Variants in LRIG2 observed in about 807,000 individuals in gnomAD.
LRIG2 encodes leucine-rich repeats and immunoglobulin-like domains protein 2.
LRIG2 carries 93 observed loss-of-function variants against 107.8 expected under a neutral mutation model. The ratio of observed to expected loss-of-function variants is 0.86; its 90% CI spans 0.73 to 1.03. LRIG2 has a LOEUF of 1.03. LRIG2 is among the 50% of genes least tolerant of loss of function. The pLI is 0.00. For synonymous variants in LRIG2, 471 were observed against 470.6 expected, an observed-to-expected ratio of 1.00 and a Z score of -0.01; for missense variants, 1,226 against 1,296.0, an observed-to-expected ratio of 0.95 and a Z score of 0.83.
In LRIG2 at chr1:113,118,789, C is replaced by T. The variant is rs556072219; in HGVS notation, c.2681-444C>T. Among the ~76,000 whole-genome samples the T allele has an allele frequency of 4.6e-5, 7 of 152,174 alleles. No individual in the cohort carries two copies. In the South Asian group the frequency reaches 1.5e-3, roughly 32 times the overall value. On this transcript the variant is annotated intron_variant, in intron 16 of 17. Transcript: ENST00000361127. ...ACGCCATCTTCCTGCCTCAGCCTCC[C>T]GAGTAGCTGGGACTACCGGTGCACG...
At chr1:113,116,225 T>C in intron 15 of LRIG2, 62 bp from the exon 16 acceptor site, 1 of 1,468,180 alleles carries the variant, frequency 6.8e-7, no homozygotes, top group Non-Finnish European at 9.3e-7. Context: ...ATTTGCAAAA[T>C]AGTCTTCTGA....
intron 6 of LRIG2, among the ~76,000 whole-genome samples, chr1:113,094,984 A>ATAT (rs138090493): frequency 2.1e-5 from 3 of 139,684 alleles, no homozygotes; most frequent in Admixed American, 7.4e-5. Context: ...ATATATATAT[A>ATAT]TTTTTTTTGA....
chr1:113,074,348 C>G (rs1333781950), intron 1 of LRIG2, among the ~76,000 whole-genome samples: 5 of 152,162 alleles, frequency 3.3e-5, no homozygotes, highest in African/African-American at 1.2e-4. Flanking sequence ...AAAATCAGTT[C>G]TGCTTATTTA....
chr1:113,110,459 AC>A lies in LRIG2; in HGVS notation c.1696del (p.His566IlefsTer5). The A allele has an allele frequency of 1.2e-6, 2 of 1,613,318 alleles. No individual in the cohort carries two copies. The highest frequency in any genetic ancestry group is 2.7e-5 in the African/African-American group (2 of 75,042). ...AAGCTCTGGAATATACTAGTATCTT[AC>A]ATCTTTTCAATGTGAATTTCACAGA... is the stretch of plus-strand genomic sequence containing the variant. ...GEALEYTSIL[H>X]LFNVNFTDEG... is the part of the protein sequence containing the mutation. On this transcript the variant is annotated frameshift_variant, in exon 13 of 18. Transcript: ENST00000361127. LOFTEE classifies it high-confidence loss of function.
At position 113,128,267 on chromosome 1, in the gene LRIG2, T is replaced by C. The variant is rs1455302654; in HGVS notation, c.*4166T>C. The C allele has an allele frequency of 6.6e-6, 1 of 152,214 alleles. No homozygotes were observed. Among genetic ancestry groups the C allele is most frequent in the African/African-American group, 2.4e-5 (1 of 41,450 alleles). The allele number at this position is 152,214 out of a possible 1,614,324, so 9.4% of individuals were successfully genotyped here. A position where few individuals can be genotyped will look rare whatever the true frequency, so the allele number is the denominator to read the frequency against. On this transcript the variant is annotated 3_prime_UTR_variant, in exon 18 of 18. Coordinates refer to ENST00000361127, the MANE Select transcript of LRIG2 (RefSeq NM_014813.3). ...CCTCTGATCATTTTCACTTTGAACT[T>C]CCTAAAGATCACAATTTCCTATCCC... is the stretch of plus-strand genomic sequence containing the variant.
chr1:113,113,525 G>GTCAT (rs1243791160), intron 14 of LRIG2, among the ~76,000 whole-genome samples: 4 of 135,284 alleles, frequency 3.0e-5, no homozygotes, highest in African/African-American at 8.2e-5. Flanking sequence ...AAAATAAGAA[G>GTCAT]TCATTTATTT....
Position 113,094,613 on chromosome 1 carries a change from G to A in LRIG2, c.661G>A (p.Glu221Lys). The A allele has an allele frequency of 6.2e-7, 1 of 1,609,470 alleles. No homozygotes were observed. The highest frequency in any genetic ancestry group is 8.5e-7 in the Non-Finnish European group (1 of 1,177,502). ...IFKLPHLQFL[E>K]LKRNRIKIVE... ...ACTGTAAAACTATTTTTGTTAAAGG[G>A]AACTTAAAAGAAACAGAATTAAAAT... The change falls in exon 6 of 18, where the codon GAA becomes AAA. Residue 221 changes from glutamate to lysine, a missense_variant and splice_region_variant. Glu to Lys is a moderately conservative substitution (Grantham distance 56). Coordinates refer to ENST00000361127, the MANE Select transcript of LRIG2 (RefSeq NM_014813.3).
Position 113,112,638 on chromosome 1 carries a change from T to C in LRIG2, c.1958T>C (p.Val653Ala). 6.2e-7 allele frequency: 1 copy of C among 1,614,196 alleles called. No individual in the cohort carries two copies. Among genetic ancestry groups the C allele is most frequent in the Non-Finnish European group, 8.5e-7 (1 of 1,180,046 alleles). Residue 653 changes from valine (V) to alanine (A), a missense_variant, in exon 14 of 18, where the codon GTC becomes GCC. Coordinates refer to ENST00000361127, the MANE Select transcript of LRIG2 (RefSeq NM_014813.3). ...FPAARERRMHVMPEDDVFFIA... is the reference protein window; with the variant it reads ...FPAARERRMHAMPEDDVFFIA... ...GCGGCTCGAGAAAGACGCATGCACGTCATGCCCGAGGATGACGTCTTCTTT... is the reference window on the plus strand; with the variant it reads ...GCGGCTCGAGAAAGACGCATGCACGCCATGCCCGAGGATGACGTCTTCTTT...
At position 113,124,683 on chromosome 1, in the gene LRIG2, C is replaced by T. The variant is rs1557925358; in HGVS notation, c.*582C>T. ...GAATTTTTTTTTTTGTCCCTATTGCCCAGGGATGTCATTGTAAATATATGT... is the reference window on the plus strand; with the variant it reads ...GAATTTTTTTTTTTGTCCCTATTGCTCAGGGATGTCATTGTAAATATATGT... On this transcript the variant is annotated 3_prime_UTR_variant, in exon 18 of 18. Transcript: ENST00000361127. 6.5e-6 allele frequency: 1 copy of T among 152,800 alleles called. No individual in the cohort carries two copies. Among genetic ancestry groups the T allele is most frequent in the Admixed American group, 6.5e-5 (1 of 15,318 alleles). The allele number at this position is 152,800 out of a possible 1,614,324, so 9.5% of individuals were successfully genotyped here.
chr1:113,084,099 C>A (rs1653426579), intron 1 of LRIG2, among the ~76,000 whole-genome samples: 1 of 149,836 alleles, frequency 6.7e-6, no homozygotes, highest in Non-Finnish European at 1.5e-5. Flanking sequence ...ACTTAACTAT[C>A]AATATTAATC....
Position 113,119,384 on chromosome 1 carries a change from G to C in LRIG2, c.2832G>C (p.Glu944Asp). 1 of 1,613,984 alleles carries C rather than the reference G, an allele frequency of 6.2e-7. No individual in the cohort carries two copies. Among genetic ancestry groups the C allele is most frequent in the South Asian group, 1.1e-5 (1 of 91,058 alleles). The change falls in exon 17 of 18, where the codon GAG (glutamate) becomes GAC (aspartate). Residue 944 changes from glutamate to aspartate, a missense_variant. Around this residue, in one of 3 missense-constraint regions of LRIG2, gnomAD observed 642 missense variants for 712.2 expected, o/e 0.90. Coordinates refer to ENST00000361127, the MANE Select transcript of LRIG2 (RefSeq NM_014813.3). ...LSSLMVQMPK[E>D]TYLVHPPQDT... is the part of the protein sequence containing the mutation. ...GCCTCATGGTCCAAATGCCTAAAGA[G>C]ACATATTTAGTACATCCTCCCCAGG...
chr1:113,094,594 A>C lies in LRIG2; in HGVS notation c.660-18A>C. On this transcript the variant is annotated intron_variant, in intron 5 of 17. Transcript: ENST00000361127. The stretch of plus-strand genomic sequence containing the variant: ...TTAGCAAACCAATTTCCTGACTGTA[A>C]AACTATTTTTGTTAAAGGGAACTTA... The C allele has an allele frequency of 4.4e-6, 7 of 1,606,128 alleles. No individual in the cohort carries two copies. Among genetic ancestry groups the C allele is most frequent in the Non-Finnish European group, 5.1e-6 (6 of 1,175,760 alleles).
At position 113,125,266 on chromosome 1, in the gene LRIG2, T is replaced by C. The variant is rs374111401; in HGVS notation, c.*1165T>C. On this transcript the variant is annotated 3_prime_UTR_variant, in exon 18 of 18. Coordinates refer to ENST00000361127, the MANE Select transcript of LRIG2 (RefSeq NM_014813.3). Reference sequence around the variant, plus strand: ...GATTGTATACACATAAACACAGTCTTGGTGTAATTAACCGCCTTCTTCATG... The same window carrying C: ...GATTGTATACACATAAACACAGTCTCGGTGTAATTAACCGCCTTCTTCATG... 6.6e-6 allele frequency: 1 copy of C among 152,234 alleles called. No individual in the cohort carries two copies. The highest frequency in any genetic ancestry group is 2.1e-4 in the South Asian group (1 of 4,834). 9.4% of individuals were successfully genotyped at this position (152,234 alleles called of 1,614,324 possible).
chr1:113,123,727 T>TTTTTTTGTGTGTG, intron 17 of LRIG2, 148 bp from the exon 18 acceptor site: 1 of 580,824 alleles, frequency 1.7e-6, no homozygotes, highest in African/African-American at 2.0e-5. Context: ...GTGGTGGTTT[T>TTTTTTTGTGTGTG]TGTGTGTGTG....
At position 113,124,295 on chromosome 1, in the gene LRIG2, G is replaced by A. The variant is rs962152341; in HGVS notation, c.*194G>A. ...AGAAATGGCAACAGCTGACAGAAAT[G>A]GGTACAGCTCATCAAAAATGTGCAG... On this transcript the variant is annotated 3_prime_UTR_variant, in exon 18 of 18. Transcript: ENST00000361127. 4 of 600,776 alleles carry A rather than the reference G, an allele frequency of 6.7e-6. No homozygotes were observed. Among genetic ancestry groups the A allele is most frequent in the Non-Finnish European group, 1.2e-5 (4 of 339,142 alleles). The allele number at this position is 600,776 out of a possible 1,614,324, so 37.2% of individuals were successfully genotyped here. A position where few individuals can be genotyped will look rare whatever the true frequency, so the allele number is the denominator to read the frequency against.
At position 113,073,544 on chromosome 1, in the gene LRIG2, C is replaced by G. The variant is rs1472402821; in HGVS notation, c.138C>G (p.Pro46=). 1.2e-6 allele frequency: 2 copies of G among 1,614,040 alleles called. No homozygotes were observed. The highest frequency in any genetic ancestry group is 1.7e-6 in the Non-Finnish European group (2 of 1,180,038). The part of the protein sequence containing the change: ...PAAGAGLCPA[P]CSCRIPLLDC... ...CCGGAGCAGGTCTCTGCCCCGCGCCCTGCTCCTGCCGCATTCCTCTCCTGG... is the reference window on the plus strand; with the variant it reads ...CCGGAGCAGGTCTCTGCCCCGCGCCGTGCTCCTGCCGCATTCCTCTCCTGG... Residue 46 remains proline (P), a synonymous_variant, in exon 1 of 18, where the codon CCC becomes CCG. Coordinates refer to ENST00000361127, the MANE Select transcript of LRIG2 (RefSeq NM_014813.3).
chr1:113,122,971 T>G (rs1655327592), intron 17 of LRIG2, among the ~76,000 whole-genome samples: 1 of 152,232 alleles, frequency 6.6e-6, no homozygotes, highest in African/African-American at 2.4e-5. Context: ...TAATATAACT[T>G]TCAGTAAACA....
chr1:113,116,016 A>G (rs1654991268), intron 15 of LRIG2, among the ~76,000 whole-genome samples: 1 of 152,212 alleles, frequency 6.6e-6, no homozygotes, highest in African/African-American at 2.4e-5. Flanking sequence ...CTGCAAGAAA[A>G]GAAATCTAGG....
intron 14 of LRIG2, among the ~76,000 whole-genome samples, chr1:113,113,357 G>T (rs1444921287): frequency 6.6e-6 from 1 of 150,720 alleles, no homozygotes; most frequent in Non-Finnish European, 1.5e-5. Flanking sequence ...GTTGTTGTTT[G>T]TTTGTTTTGT....
Sources: gnomAD v4.1 joint callset for allele counts (sites outside exome capture counted in the v4.1 genomes callset) on GRCh38, gnomAD v4.1.1 for gene constraint, gnomAD v4.1.1 regional missense constraint, MANE v1.5 for transcripts, NCBI Gene and HGNC (gene_info 2026-07-23, HGNC 2026-07-21) for gene names.